Variants in CD96 observed in about 807,000 individuals in gnomAD.
CD96 encodes the protein T-cell surface protein tactile.
In CD96, 70 loss-of-function variants were observed where a neutral mutation model predicts 71.3. The ratio of observed to expected loss-of-function variants is 0.98; its 90% CI spans 0.81 to 1.20. The LOEUF is 1.20. Among genes scored for constraint, CD96 ranks in the 50% most tolerant of loss-of-function variants. The probability of loss-of-function intolerance (pLI) is 0.00; values close to 1 mark genes in which losing one functional copy is unlikely to be tolerated. For missense variants in CD96, 742 were observed against 677.5 expected (o/e 1.10, Z -1.06); for synonymous variants, 248 against 233.0 (o/e 1.06, Z -0.59).
intron 8 of CD96, among the ~76,000 whole-genome samples, chr3:111,609,006 G>A (rs774053377): frequency 6.6e-6 from 1 of 152,182 alleles, no homozygotes; most frequent in Non-Finnish European, 1.5e-5. Context: ...ATTAGACTTT[G>A]AAAGTTCTTT....
chr3:111,593,641 G>A lies in CD96; in HGVS notation c.808-4479G>A, dbSNP rs756906761. 1.9e-6 allele frequency: 3 copies of A among 1,603,988 alleles called. No homozygotes were observed. The South Asian group carries it at 3.3e-5, about 18-fold the overall frequency. ...TCACCTTCCACTTCATCTCCAGGAT[G>A]GCCCTTTCCACCTCCTCCAGGGCTC... On this transcript the variant is annotated intron_variant, in intron 5 of 13. Transcript: ENST00000352690.
At chr3:111,546,542 C>A (rs1158263756) in intron 2 of CD96, among the ~76,000 whole-genome samples, 1 of 152,090 alleles carries the variant, frequency 6.6e-6, no homozygotes. Context: ...TATAATAATG[C>A]CTGCCCTAAA....
intron 8 of CD96, among the ~76,000 whole-genome samples, chr3:111,615,311 T>C (rs958860580): frequency 1.3e-5 from 2 of 152,070 alleles, no homozygotes; most frequent in Non-Finnish European, 2.9e-5. Flanking sequence ...TCTAGAAGCA[T>C]TGGCCAAAGG....
rs770450076 is a variant in CD96 at position 111,606,790 on chromosome 3, C to T, written c.1178C>T (p.Ala393Val). Residue 393 changes from alanine to valine, a missense_variant and splice_region_variant, in exon 8 of 14, where the codon GCA (alanine) becomes GTA (valine). By Grantham distance (64) the Ala-to-Val change is moderately conservative. Coordinates refer to ENST00000352690, the MANE Select transcript of CD96 (RefSeq NM_005816.5). ...TCTCCAGCCAGCAGTGTATCTCCTGCAAGTAAGAATGTTTTCACACTGAGC... is the reference window on the plus strand; with the variant it reads ...TCTCCAGCCAGCAGTGTATCTCCTGTAAGTAAGAATGTTTTCACACTGAGC... ...QPSPASSVSP[A>V]RYPATSSVTL... 1 of 1,541,106 alleles carries T rather than the reference C, an allele frequency of 6.5e-7. No homozygotes were observed. The highest frequency in any genetic ancestry group is 1.7e-5 in the Admixed American group (1 of 59,912).
At chr3:111,572,236 A>T (rs1193924181) in intron 3 of CD96, among the ~76,000 whole-genome samples, 1 of 152,196 alleles carries the variant, frequency 6.6e-6, no homozygotes, top group Non-Finnish European at 1.5e-5. Context: ...GACTCTCATA[A>T]AGGGAGTTTC....
chr3:111,609,047 G>A (rs528226913), intron 8 of CD96, among the ~76,000 whole-genome samples: 5 of 152,232 alleles, frequency 3.3e-5, no homozygotes, highest in South Asian at 2.1e-4. Flanking sequence ...AATGTTACCC[G>A]GGAGAGATGA....
intron 2 of CD96, among the ~76,000 whole-genome samples, chr3:111,553,434 C>CTTTTTT (rs34837219): frequency 4.3e-5 from 5 of 115,184 alleles, no homozygotes; most frequent in Non-Finnish European, 9.0e-5. Flanking sequence ...TTTCTTTTTT[C>CTTTTTT]TTTTTTTTTT....
intron 12 of CD96, 22 bp downstream of exon 12, chr3:111,638,190 G>T: frequency 7.1e-7 from 1 of 1,411,898 alleles, no homozygotes; most frequent in Non-Finnish European, 1.0e-6. Context: ...ATCCTATTTT[G>T]GGGGATTTTA....
At chr3:111,556,826 G>A (rs1306720609) in intron 2 of CD96, among the ~76,000 whole-genome samples, 5 of 151,694 alleles carry the variant, frequency 3.3e-5, no homozygotes, top group South Asian at 2.1e-4. Context: ...CACCAACAGT[G>A]TAAAAGTGTT....
At chr3:111,645,117 C>A (rs1007934215) in intron 12 of CD96, among the ~76,000 whole-genome samples, 7 of 152,032 alleles carry the variant, frequency 4.6e-5, no homozygotes, top group African/African-American at 1.7e-4. Flanking sequence ...AACCCAAATG[C>A]CCATCAATCA....
intron 10 of CD96, among the ~76,000 whole-genome samples, chr3:111,628,146 C>T (rs1345338004): frequency 1.3e-5 from 2 of 152,126 alleles, no homozygotes; most frequent in Non-Finnish European, 2.9e-5. Flanking sequence ...AACACCTGCC[C>T]AGCAATGGTT....
intron 3 of CD96, among the ~76,000 whole-genome samples, chr3:111,576,183 ATAC>A (rs1936213517): frequency 6.6e-6 from 1 of 152,234 alleles, no homozygotes; most frequent in African/African-American, 2.4e-5. Context: ...AGTTTTAGAA[ATAC>A]TTATTAATAT....
At chr3:111,659,869 A>G (rs1940314322) in intron 14 of CD96, among the ~76,000 whole-genome samples, 1 of 152,212 alleles carries the variant, frequency 6.6e-6, no homozygotes, top group East Asian at 1.9e-4. Context: ...CATCAAAGGA[A>G]CATACATCAA....
At chr3:111,588,469 C>CCA (rs1440508551) in intron 5 of CD96, among the ~76,000 whole-genome samples, 1 of 152,198 alleles carries the variant, frequency 6.6e-6, no homozygotes, top group African/African-American at 2.4e-5. Context: ...CCATATTTTC[C>CCA]TGTCTTCTTC....
intron 9 of CD96, among the ~76,000 whole-genome samples, chr3:111,624,094 T>C (rs1938632707): frequency 6.6e-6 from 1 of 152,214 alleles, no homozygotes; most frequent in Non-Finnish European, 1.5e-5. Context: ...CACAATACTC[T>C]CAGTGATCTG....
chr3:111,639,060 T>G (rs1276769272), intron 12 of CD96, among the ~76,000 whole-genome samples: 1 of 152,168 alleles, frequency 6.6e-6, no homozygotes, highest in Admixed American at 6.5e-5. Flanking sequence ...CAGGACTAGA[T>G]TGCAACTCTG....
chr3:111,560,305 G>A (rs977954603), intron 2 of CD96, among the ~76,000 whole-genome samples: 17 of 151,936 alleles, frequency 1.1e-4, no homozygotes, highest in African/African-American at 3.9e-4. Flanking sequence ...TCCTAGTCTC[G>A]ATGGTCTTTA....
intron 3 of CD96, among the ~76,000 whole-genome samples, chr3:111,573,173 A>G (rs1419221107): frequency 6.6e-6 from 1 of 152,232 alleles, no homozygotes; most frequent in Non-Finnish European, 1.5e-5. Context: ...ACATAAGCAT[A>G]TAGTCATGAG....
intron 4 of CD96, among the ~76,000 whole-genome samples, chr3:111,583,293 G>T (rs544488706): frequency 2.7e-3 from 405 of 152,290 alleles, no homozygotes; most frequent in Non-Finnish European, 4.1e-3. Flanking sequence ...AGGCAGTTCT[G>T]TCCCTGTGGC....
Sources: allele counts gnomAD v4.1 joint callset (sites outside exome capture counted in the v4.1 genomes callset), GRCh38; gene constraint gnomAD v4.1.1; transcripts MANE v1.5; gene names NCBI Gene and HGNC (gene_info 2026-07-23, HGNC 2026-07-21).